WTIP: variants seen among roughly 807,000 people sequenced by gnomAD.
The protein encoded by WTIP is Wilms tumor protein 1-interacting protein.
WTIP carries 23 observed loss-of-function variants against 41.7 expected under a neutral mutation model. The observed-to-expected ratio is 0.55, with a 90% CI of 0.40 to 0.78. The LOEUF (loss-of-function observed/expected upper bound fraction) is 0.78. WTIP is among the 30% of genes least tolerant of loss of function. The pLI is 0.00. For missense variants in WTIP, 619 were observed against 610.5 expected (o/e 1.01, Z -0.15); for synonymous variants, 314 against 269.9 (o/e 1.16, Z -1.60).
chr19:34,488,032 C>A (rs1359379543), intron 1 of WTIP, among the ~76,000 whole-genome samples: 1 of 152,104 alleles, frequency 6.6e-6, no homozygotes, highest in South Asian at 2.1e-4. Flanking sequence ...ATCCACTGAT[C>A]ATAGGCACCT....
Position 34,482,312 on chromosome 19 carries a change from G to A in WTIP, c.338G>A (p.Gly113Asp). The change falls in exon 1 of 8, where the codon GGC (glycine) becomes GAC (aspartate). Residue 113 changes from glycine (G) to aspartate (D), a missense_variant. Gly to Asp is a moderately conservative substitution (Grantham distance 94). Around this residue, in one of 3 missense-constraint regions of WTIP, gnomAD observed 363 missense variants for 309.0 expected, o/e 1.17. Transcript: ENST00000590071. ...GCCCGATCCAGCGGCATCAGCCTGG[G>A]CTACGACCAGCGCCACGGCAGCCCG... ...GSARSSGISL[G>D]YDQRHGSPRS... The A allele has an allele frequency of 7.2e-7, 1 of 1,381,324 alleles. No individual in the cohort carries two copies. The highest frequency in any genetic ancestry group is 3.5e-5 in the East Asian group (1 of 28,632). The allele number at this position is 1,381,324 out of a possible 1,614,324, so 85.6% of individuals were successfully genotyped here.
At chr19:34,484,636 A>G (rs2075788203) in intron 1 of WTIP, among the ~76,000 whole-genome samples, 2 of 152,070 alleles carry the variant, frequency 1.3e-5, no homozygotes, top group Admixed American at 1.3e-4. Context: ...GCCCCTGTGT[A>G]CTGCAGAGCC....
rs543959702 is a variant in WTIP at position 34,495,615 on chromosome 19, G to A, written c.1084-88G>A. 5 of 1,482,170 alleles carry A rather than the reference G, an allele frequency of 3.4e-6. No homozygotes were observed. The South Asian group carries it at 5.8e-5, about 17-fold the overall frequency. The allele number at this position is 1,482,170 out of a possible 1,614,324, so 91.8% of individuals were successfully genotyped here. On this transcript the variant is annotated intron_variant, in intron 6 of 7. Transcript: ENST00000590071. ...GCGGGCGTGCACCTCCGCCGGGACA[G>A]GAGCGTGGTGTGTGGGAGTGTACAC...
rs982417905 is a variant in WTIP at position 34,504,261 on chromosome 19, G to A, written c.*3992G>A. 6.6e-6 allele frequency: 1 copy of A among 151,782 alleles called. No individual in the cohort carries two copies. Among genetic ancestry groups the A allele is most frequent in the Non-Finnish European group, 1.5e-5 (1 of 68,014 alleles). 9.4% of individuals were successfully genotyped at this position (151,782 alleles called of 1,614,324 possible). A position where few individuals can be genotyped will look rare whatever the true frequency, so the allele number is the denominator to read the frequency against. ...GAGAGAGGGAGAGAGGGATTGAACT[G>A]GAGCGAGACCAACAGAGCCCTGACG... On this transcript the variant is annotated 3_prime_UTR_variant, in exon 8 of 8. Coordinates refer to ENST00000590071, the MANE Select transcript of WTIP (RefSeq NM_001080436.2).
In WTIP at chr19:34,493,021, A is replaced by AC. The variant is rs2075833461; in HGVS notation, c.770-13dup. 1.9e-6 allele frequency: 3 copies of AC among 1,613,792 alleles called. No individual in the cohort carries two copies. The highest frequency in any genetic ancestry group is 2.5e-6 in the Non-Finnish European group (3 of 1,179,830). On this transcript the variant is annotated splice_polypyrimidine_tract_variant and intron_variant, in intron 2 of 7. Transcript: ENST00000590071. The surrounding 1 kb of genome is among the most constrained non-coding windows in gnomAD (Gnocchi z 4.1). The stretch of plus-strand genomic sequence containing the variant: ...CCCAGCGTTCCAGGGACCCCTCTCA[A>AC]CCCTCACCCTTGCAGGGAGACGACT...
In WTIP at chr19:34,481,863, C is replaced by A. The variant is rs2075767667; in HGVS notation, c.-112C>A. ...GCGCCGGCCCCGCCCCGCCCCGCGC[C>A]CAGGGGTCCCGGGGCGGGCTCCGGG... is the stretch of plus-strand genomic sequence containing the variant. On this transcript the variant is annotated 5_prime_UTR_variant, in exon 1 of 8. Transcript: ENST00000590071. The A allele has an allele frequency of 1.7e-6, 1 of 602,312 alleles. No individual in the cohort carries two copies. Among genetic ancestry groups the A allele is most frequent in the Non-Finnish European group, 2.1e-6 (1 of 481,564 alleles). 37.3% of individuals were successfully genotyped at this position (602,312 alleles called of 1,614,324 possible).
rs987142629 is a variant in WTIP at position 34,501,056 on chromosome 19, C to G, written c.*787C>G. On this transcript the variant is annotated 3_prime_UTR_variant, in exon 8 of 8. Coordinates refer to ENST00000590071, the MANE Select transcript of WTIP (RefSeq NM_001080436.2). ...CGCCCTGGCCACGCTTCAGGAAAGC[C>G]TGTGTCTGCGCGCGGGGCAAGGGGC... 6.5e-6 allele frequency: 1 copy of G among 152,824 alleles called. No individual in the cohort carries two copies. The highest frequency in any genetic ancestry group is 2.4e-5 in the African/African-American group (1 of 41,596). 9.5% of individuals were successfully genotyped at this position (152,824 alleles called of 1,614,324 possible). A position where few individuals can be genotyped will look rare whatever the true frequency, so the allele number is the denominator to read the frequency against.
At chr19:34,496,275 A>G (rs1300882615) in intron 7 of WTIP, among the ~76,000 whole-genome samples, 2 of 152,174 alleles carry the variant, frequency 1.3e-5, no homozygotes, top group Non-Finnish European at 2.9e-5. Context: ...GGCTCAAGCT[A>G]TCTTCTTATC....
chr19:34,491,646 G>A (rs2075825651), intron 2 of WTIP, among the ~76,000 whole-genome samples: 1 of 150,112 alleles, frequency 6.7e-6, no homozygotes, highest in Non-Finnish European at 1.5e-5. Flanking sequence ...CTTCTATCTT[G>A]TACCCCCACT....
At position 34,493,406 on chromosome 19, in the gene WTIP, C is replaced by T. The variant is rs1188276252; in HGVS notation, c.900+81C>T. The T allele has an allele frequency of 3.8e-6, 6 of 1,593,986 alleles. No individual in the cohort carries two copies. Among genetic ancestry groups the T allele is most frequent in the African/African-American group, 1.3e-5 (1 of 74,478 alleles). ...CTCTACCGTCTCCCCTGCTCCAGAC[C>T]TGCCAGGGGTTCAGGGCCAGAGCCT... On this transcript the variant is annotated intron_variant, in intron 4 of 7. Coordinates refer to ENST00000590071, the MANE Select transcript of WTIP (RefSeq NM_001080436.2). This position sits in a 1 kb window ranked among gnomAD's most constrained non-coding sequence, Gnocchi z 4.1.
intron 2 of WTIP, among the ~76,000 whole-genome samples, chr19:34,492,508 C>G (rs1378527740): frequency 6.6e-6 from 1 of 150,888 alleles, no homozygotes; most frequent in Non-Finnish European, 1.5e-5. Context: ...AAATACCAGC[C>G]TGGCCAACAT....
rs1181136791 is a variant in WTIP at position 34,509,633 on chromosome 19, A to G, written c.*9364A>G. The G allele has an allele frequency of 3.3e-5, 5 of 152,158 alleles. No individual in the cohort carries two copies. The highest frequency in any genetic ancestry group is 4.8e-5 in the African/African-American group (2 of 41,418). The allele number at this position is 152,158 out of a possible 1,614,324, so 9.4% of individuals were successfully genotyped here. ...ATCATGACTTCCCAACAGTCCCCCA[A>G]ATTCTTAACTCATTTCAGCATTAAC... is the stretch of plus-strand genomic sequence containing the variant. On this transcript the variant is annotated 3_prime_UTR_variant, in exon 8 of 8. Transcript: ENST00000590071.
At chr19:34,488,452 A>T (rs948894315) in intron 1 of WTIP, among the ~76,000 whole-genome samples, 2 of 151,858 alleles carry the variant, frequency 1.3e-5, no homozygotes, top group Non-Finnish European at 2.9e-5. Flanking sequence ...TGCAGCCTCA[A>T]ACTCCCAGGC....
Position 34,505,056 on chromosome 19 carries a change from C to T in WTIP, c.*4787C>T, listed in dbSNP as rs1266646771. The T allele has an allele frequency of 6.5e-6, 1 of 152,724 alleles. No individual in the cohort carries two copies. Among genetic ancestry groups the T allele is most frequent in the African/African-American group, 2.4e-5 (1 of 41,442 alleles). 9.5% of individuals were successfully genotyped at this position (152,724 alleles called of 1,614,324 possible). On this transcript the variant is annotated 3_prime_UTR_variant, in exon 8 of 8. Transcript: ENST00000590071. ...TGGAGGCTTTGCCCCCACCCCGCCC[C>T]CATGGTAGGCGTGTTCCCTAGAGGC...
intron 7 of WTIP, among the ~76,000 whole-genome samples, chr19:34,499,134 G>A (rs542980742): frequency 6.6e-6 from 1 of 152,160 alleles, no homozygotes; most frequent in African/African-American, 2.4e-5. Context: ...AGGACTGCTT[G>A]AGCCCAGGAG....
chr19:34,489,950 TA>T (rs1259046963), intron 1 of WTIP, among the ~76,000 whole-genome samples: 3 of 151,890 alleles, frequency 2.0e-5, no homozygotes, highest in Admixed American at 1.3e-4. Context: ...AAAAAAAACC[TA>T]AAAGTGGTTG....
chr19:34,492,118 T>TC (rs1175471756), intron 2 of WTIP, among the ~76,000 whole-genome samples: 1 of 150,234 alleles, frequency 6.7e-6, no homozygotes, highest in East Asian at 2.0e-4. Context: ...TTTTTTTTTT[T>TC]TTTTTTTTTT....
Position 34,482,234 on chromosome 19 carries a change from G to A in WTIP, c.260G>A (p.Gly87Asp), listed in dbSNP as rs1390814900. ...CCGGAGCTCAGCGCGCAGCCTGCGG[G>A]CAGCCCACGGGCCAGCCTGGCGGGG... ...AVPELSAQPA[G>D]SPRASLAGSD... is the part of the protein sequence containing the mutation. The change falls in exon 1 of 8, where the codon GGC becomes GAC. Residue 87 changes from glycine (G) to aspartate (D), a missense_variant. By Grantham distance (94) the Gly-to-Asp change is moderately conservative. Coordinates refer to ENST00000590071, the MANE Select transcript of WTIP (RefSeq NM_001080436.2). 9 of 1,180,260 alleles carry A rather than the reference G, an allele frequency of 7.6e-6. No homozygotes were observed. The highest frequency in any genetic ancestry group is 9.4e-6 in the Non-Finnish European group (9 of 958,356). 73.1% of individuals were successfully genotyped at this position (1,180,260 alleles called of 1,614,324 possible).
Position 34,501,788 on chromosome 19 carries a change from C to G in WTIP, c.*1519C>G, listed in dbSNP as rs1219019736. On this transcript the variant is annotated 3_prime_UTR_variant, in exon 8 of 8. Coordinates refer to ENST00000590071, the MANE Select transcript of WTIP (RefSeq NM_001080436.2). ...ACAGGGGTGGTCAGGGAGCCTTAGC[C>G]AGGGACTTACACAGCGTGGAGAGCG... The G allele has an allele frequency of 6.6e-6, 1 of 152,382 alleles. No homozygotes were observed. Among genetic ancestry groups the G allele is most frequent in the Non-Finnish European group, 1.5e-5 (1 of 68,178 alleles). The allele number at this position is 152,382 out of a possible 1,614,324, so 9.4% of individuals were successfully genotyped here. A position where few individuals can be genotyped will look rare whatever the true frequency, so the allele number is the denominator to read the frequency against.
Sources: allele counts gnomAD v4.1 joint callset (sites outside exome capture counted in the v4.1 genomes callset), GRCh38; gene constraint gnomAD v4.1.1; regional missense constraint gnomAD v4.1.1; non-coding constraint Gnocchi (gnomAD v3.1); transcripts MANE v1.5; gene names NCBI Gene and HGNC (gene_info 2026-07-23, HGNC 2026-07-21).